The following CLINT1 variants were observed in gnomAD, a reference collection of about 807,000 sequenced individuals.
The protein encoded by CLINT1 is clathrin interacting protein localized in the trans-Golgi region.
CLINT1 carries 15 observed loss-of-function variants against 70.4 expected under a neutral mutation model. The observed-to-expected ratio is 0.21, with a 90% CI of 0.14 to 0.33. The LOEUF is 0.33. CLINT1 is among the 10% of genes least tolerant of loss of function. CLINT1 has a pLI of 1.00. For missense variants in CLINT1, 615 were observed against 778.1 expected, an observed-to-expected ratio of 0.79 and a Z score of 2.49; for synonymous variants, 227 against 254.7, an observed-to-expected ratio of 0.89 and a Z score of 1.04.
At chr5:157,837,958 C>T (rs540634921) in intron 1 of CLINT1, among the ~76,000 whole-genome samples, 3 of 152,022 alleles carry the variant, frequency 2.0e-5, no homozygotes, top group African/African-American at 7.2e-5. Flanking sequence ...GCCACCGTGC[C>T]CAGCCAAGAT....
chr5:157,835,228 G>A lies in CLINT1; in HGVS notation c.42-17681C>T, dbSNP rs561358027. 1.2e-4 allele frequency among the ~76,000 whole-genome samples: 18 copies of A among 152,298 alleles called. No homozygotes were observed. The Middle Eastern group carries it at 0.01, about 86-fold the overall frequency. On this transcript the variant is annotated intron_variant, in intron 1 of 11. Transcript: ENST00000411809. ...TAGTGCTCCTAAACACAGGAAGATT[G>A]TGATATGCCTTACAGGAAAAAAATG...
intron 1 of CLINT1, among the ~76,000 whole-genome samples, chr5:157,841,427 A>T (rs993897359): frequency 2.6e-5 from 4 of 151,826 alleles, no homozygotes; most frequent in Non-Finnish European, 5.9e-5. Flanking sequence ...TTAGCTGGGC[A>T]TGGCAGTGCA....
chr5:157,802,993 A>G (rs193013714), intron 8 of CLINT1, among the ~76,000 whole-genome samples: 1 of 152,230 alleles, frequency 6.6e-6, no homozygotes, highest in Non-Finnish European at 1.5e-5. Context: ...TGAGGACAAC[A>G]ACTCTGTTTT....
intron 1 of CLINT1, among the ~76,000 whole-genome samples, chr5:157,830,790 C>CTATA (rs1354149727): frequency 5.0e-4 from 62 of 124,190 alleles, no homozygotes; most frequent in South Asian, 1.1e-3. Flanking sequence ...CTCTCTCTCT[C>CTATA]TCTCTCTATA....
intron 1 of CLINT1, among the ~76,000 whole-genome samples, chr5:157,845,266 T>C (rs149956267): frequency 0.016 from 2,386 of 152,058 alleles, 65 homozygotes; most frequent in African/African-American, 0.054. Context: ...GGAGAATCAC[T>C]TGAACCTGGG....
At chr5:157,815,937 A>T (rs1762710581) in intron 3 of CLINT1, among the ~76,000 whole-genome samples, 1 of 152,222 alleles carries the variant, frequency 6.6e-6, no homozygotes, top group Non-Finnish European at 1.5e-5. Flanking sequence ...TCATTGACTA[A>T]AATGTCCTTA....
chr5:157,843,211 A>G (rs1400434129), intron 1 of CLINT1, among the ~76,000 whole-genome samples: 1 of 152,214 alleles, frequency 6.6e-6, no homozygotes, highest in African/African-American at 2.4e-5. Flanking sequence ...ATTGGAACCT[A>G]AAAATGGCCT....
chr5:157,832,876 AT>A (rs1480988626), intron 1 of CLINT1, among the ~76,000 whole-genome samples: 1 of 152,100 alleles, frequency 6.6e-6, no homozygotes, highest in Non-Finnish European at 1.5e-5. Flanking sequence ...TACTACCTTA[AT>A]CTAGGGTCAC....
chr5:157,820,766 G>A (rs1224641138), intron 1 of CLINT1, among the ~76,000 whole-genome samples: 2 of 151,982 alleles, frequency 1.3e-5, no homozygotes, highest in Non-Finnish European at 2.9e-5. Context: ...GTCCAGATTT[G>A]AAAGGAAAAA....
chr5:157,792,473 G>A lies in CLINT1; in HGVS notation c.1088-478C>T, dbSNP rs577410466. 1.6e-4 allele frequency among the ~76,000 whole-genome samples: 25 copies of A among 152,248 alleles called. No individual in the cohort carries two copies. The South Asian group carries it at 4.6e-3, about 28-fold the overall frequency. On this transcript the variant is annotated intron_variant, in intron 9 of 11. Transcript: ENST00000411809. ...TCAGGCACAAGAATCGCTTGAACCC[G>A]GGAGGCGGAGGTTGCAGTGAGCTGA...
chr5:157,836,461 G>A (rs1763427137), intron 1 of CLINT1, among the ~76,000 whole-genome samples: 1 of 152,122 alleles, frequency 6.6e-6, no homozygotes, highest in Non-Finnish European at 1.5e-5. Flanking sequence ...TTCTACTCTT[G>A]TTCTCCCTTC....
chr5:157,844,421 G>T (rs1244905204), intron 1 of CLINT1, among the ~76,000 whole-genome samples: 3 of 152,018 alleles, frequency 2.0e-5, no homozygotes, highest in African/African-American at 7.2e-5. Flanking sequence ...TTACAGAACC[G>T]TAAGCTGCCT....
At chr5:157,797,613 C>T (rs553418075) in intron 8 of CLINT1, among the ~76,000 whole-genome samples, 3 of 152,016 alleles carry the variant, frequency 2.0e-5, no homozygotes, top group East Asian at 1.9e-4. Flanking sequence ...CTCGAACTCC[C>T]GACCTCAAGT....
In CLINT1 at chr5:157,805,893, T is replaced by C. The variant is rs1419162776; in HGVS notation, c.915A>G (p.Ser305=). 2 of 1,613,992 alleles carry C rather than the reference T, an allele frequency of 1.2e-6. No homozygotes were observed. Among genetic ancestry groups the C allele is most frequent in the African/African-American group, 1.3e-5 (1 of 75,060 alleles). The change falls in exon 7 of 12, where the codon TCA becomes TCG. Residue 305 remains serine (S), a synonymous_variant. Transcript: ENST00000411809. ...TAACTGAAGACTGAGGTGTGTGGGTTGAAGCATTCTGATCTGGACTTGCTT... is the reference window on the plus strand; with the variant it reads ...TAACTGAAGACTGAGGTGTGTGGGTCGAAGCATTCTGATCTGGACTTGCTT... ...GDKASPDQNA[S]THTPQSSVKT...
At position 157,807,903 on chromosome 5, in the gene CLINT1, T is replaced by G. The variant is rs1199401183; in HGVS notation, c.695+1725A>C. Among the ~76,000 whole-genome samples the G allele has an allele frequency of 1.8e-4, 27 of 152,122 alleles. 1 individual carries two copies. Among genetic ancestry groups the G allele is most frequent in the Admixed American group, 1.8e-3 (27 of 15,272 alleles). On this transcript the variant is annotated intron_variant, in intron 6 of 11. Transcript: ENST00000411809. ...TAAAACCTAAGACCCAACCAGACTG[T>G]GTGGATCTGCCTAAAGTAACACAGT...
At chr5:157,834,656 A>T (rs1348605151) in intron 1 of CLINT1, among the ~76,000 whole-genome samples, 13 of 152,048 alleles carry the variant, frequency 8.5e-5, no homozygotes, top group Non-Finnish European at 4.4e-5. Flanking sequence ...TTCTTATCTC[A>T]GTGACTCTAT....
chr5:157,807,963 T>C (rs1210175267), intron 6 of CLINT1, among the ~76,000 whole-genome samples: 1 of 152,174 alleles, frequency 6.6e-6, no homozygotes, highest in Non-Finnish European at 1.5e-5. Flanking sequence ...GAAATGTCTC[T>C]TTTTCAAGAC....
chr5:157,829,430 G>A (rs953324893), intron 1 of CLINT1, among the ~76,000 whole-genome samples: 1 of 152,144 alleles, frequency 6.6e-6, no homozygotes, highest in African/African-American at 2.4e-5. Flanking sequence ...TTCCAGGGAA[G>A]GTCTGAAAAA....
At chr5:157,809,075 AG>A (rs1762466733) in intron 6 of CLINT1, 1 of 152,152 alleles carries the variant, frequency 6.6e-6, no homozygotes, top group Non-Finnish European at 1.5e-5. Flanking sequence ...TGTATAACCT[AG>A]TATCTTAAAA....
Sources: gnomAD v4.1 joint callset for allele counts (sites outside exome capture counted in the v4.1 genomes callset) on GRCh38, gnomAD v4.1.1 for gene constraint, MANE v1.5 for transcripts, NCBI Gene and HGNC (gene_info 2026-07-23, HGNC 2026-07-21) for gene names.